PUM2: variants seen among roughly 807,000 people sequenced by gnomAD.
PUM2 encodes the protein pumilio RNA binding family member 2, also known as pumilio homolog 2.
In PUM2, 57 loss-of-function variants were observed where a neutral mutation model predicts 124.5. The observed-to-expected ratio is 0.46, with a 90% CI of 0.37 to 0.57. The LOEUF (loss-of-function observed/expected upper bound fraction) is 0.57, where lower values mean the gene tolerates loss of function less well. Ranked by LOEUF, PUM2 falls within the 20% of genes least tolerant of loss-of-function variation. PUM2 has a pLI of 0.00. For missense variants in PUM2, 1,065 were observed against 1,290.6 expected (o/e 0.83, Z 2.68); for synonymous variants, 460 against 446.1 (o/e 1.03, Z -0.39).
At chr2:20,341,160 C>G (rs1034019055) in intron 1 of PUM2, among the ~76,000 whole-genome samples, 1 of 152,102 alleles carries the variant, frequency 6.6e-6, no homozygotes, top group Admixed American at 6.6e-5. Flanking sequence ...CTCTTACCTG[C>G]GCTCTGCACA....
chr2:20,284,433 G>A (rs1395893537), intron 10 of PUM2, among the ~76,000 whole-genome samples: 2 of 152,110 alleles, frequency 1.3e-5, no homozygotes, highest in African/African-American at 4.8e-5. Flanking sequence ...ATAGCTCACT[G>A]CTGCCTCAAA....
intron 1 of PUM2, among the ~76,000 whole-genome samples, chr2:20,342,128 C>CAAA (rs776745768): frequency 2.5e-4 from 24 of 94,442 alleles, no homozygotes; most frequent in Non-Finnish European, 3.7e-4. Context: ...GACTCTGTCT[C>CAAA]AAAAAAAAAA....
chr2:20,333,068 CAAAAG>C (rs894632533), intron 1 of PUM2: 15 of 151,958 alleles, frequency 9.9e-5, no homozygotes, highest in African/African-American at 3.4e-4. Flanking sequence ...TGTTTCCTAG[CAAAAG>C]AAAAGAAATG....
At chr2:20,253,497 T>G (rs1235753705) in intron 20 of PUM2, among the ~76,000 whole-genome samples, 3 of 151,824 alleles carry the variant, frequency 2.0e-5, no homozygotes, top group Non-Finnish European at 2.9e-5. Flanking sequence ...CCATGATGCT[T>G]GTCTAATTGT....
intron 9 of PUM2, among the ~76,000 whole-genome samples, chr2:20,293,016 C>T (rs1181371491): frequency 2.0e-5 from 3 of 152,136 alleles, no homozygotes; most frequent in Non-Finnish European, 4.4e-5. Flanking sequence ...GAATTTGTTA[C>T]GAGACTGATG....
intron 3 of PUM2, among the ~76,000 whole-genome samples, chr2:20,317,883 G>A (rs1392444978): frequency 6.6e-6 from 1 of 151,970 alleles, no homozygotes; most frequent in East Asian, 1.9e-4. Context: ...TTTTTTTCAT[G>A]GCTGCATAGT....
Position 20,297,599 on chromosome 2 carries a change from G to A in PUM2, c.963C>T (p.Thr321=), listed in dbSNP as rs147188327. The change falls in exon 8 of 21, where the codon ACC becomes ACT. Residue 321 remains threonine (T), a synonymous_variant. Coordinates refer to ENST00000361078, the MANE Select transcript of PUM2 (RefSeq NM_015317.5). The part of the protein sequence containing the change: ...PYIISAAPPG[T]DPYTAAGLAA... ...CCAATCCTGCTGCAGTATACGGATC[G>A]GTCCCTGGAGGAGCAGCACTAATAA... The A allele has an allele frequency of 1.9e-5, 30 of 1,613,058 alleles. No homozygotes were observed. Among genetic ancestry groups the A allele is most frequent in the African/African-American group, 4.0e-5 (3 of 75,032 alleles).
rs373911090 is a variant in PUM2, at chr2:20,282,926, T to G, written c.1720+21A>C. 3 of 1,608,586 alleles carry G rather than the reference T, an allele frequency of 1.9e-6. No individual in the cohort carries two copies. In the African/African-American group the frequency reaches 4.0e-5, roughly 22 times the overall value. ...ACCTCTTCCACTTAGCAGAGTACAC[T>G]CATCGTAAAAACAAACTTACCTGAT... On this transcript the variant is annotated intron_variant, in intron 12 of 20. Coordinates refer to ENST00000361078, the MANE Select transcript of PUM2 (RefSeq NM_015317.5).
intron 7 of PUM2, among the ~76,000 whole-genome samples, chr2:20,301,857 G>A (rs1016936599): frequency 9.2e-5 from 14 of 152,140 alleles, no homozygotes; most frequent in African/African-American, 3.4e-4. Context: ...GGGATTACAG[G>A]CGTGAGCCAC....
chr2:20,317,062 T>G (rs1299463110), intron 3 of PUM2, among the ~76,000 whole-genome samples: 1 of 151,772 alleles, frequency 6.6e-6, no homozygotes, highest in Non-Finnish European at 1.5e-5. Context: ...CCAGATGTGA[T>G]GGTGTGAGCC....
At chr2:20,285,192 C>T (rs531233443) in intron 10 of PUM2, among the ~76,000 whole-genome samples, 1 of 152,352 alleles carries the variant, frequency 6.6e-6, no homozygotes, top group African/African-American at 2.4e-5. Context: ...GTCAACTCAA[C>T]TCTGAAGTCC....
chr2:20,316,011 A>T (rs1285998830), intron 3 of PUM2, among the ~76,000 whole-genome samples: 1 of 152,184 alleles, frequency 6.6e-6, no homozygotes, highest in East Asian at 1.9e-4. Flanking sequence ...GGGAAGATGT[A>T]TCCCAGTCCA....
chr2:20,323,632 ACTTCT>A (rs1305581651), intron 2 of PUM2, among the ~76,000 whole-genome samples: 1 of 152,064 alleles, frequency 6.6e-6, no homozygotes, highest in Non-Finnish European at 1.5e-5. Context: ...TAGCTGTTTG[ACTTCT>A]CTTGAGTCAG....
Position 20,253,806 on chromosome 2 carries a change from T to C in PUM2, c.3063+16A>G, listed in dbSNP as rs1372999805. Reference sequence around the variant, plus strand: ...ACAAAGACAAACAGTTATCTGAGTGTTACATGCTGTATTACCTTGTGCATG... The same window carrying C: ...ACAAAGACAAACAGTTATCTGAGTGCTACATGCTGTATTACCTTGTGCATG... On this transcript the variant is annotated intron_variant, in intron 20 of 20. Transcript: ENST00000361078. 1.3e-6 allele frequency: 2 copies of C among 1,591,868 alleles called. No individual in the cohort carries two copies. The highest frequency in any genetic ancestry group is 2.2e-5 in the East Asian group (1 of 44,598).
At chr2:20,341,788 T>C (rs1301190034) in intron 1 of PUM2, among the ~76,000 whole-genome samples, 1 of 152,220 alleles carries the variant, frequency 6.6e-6, no homozygotes, top group Non-Finnish European at 1.5e-5. Flanking sequence ...AATTGTTACA[T>C]GCTATCAATT....
intron 9 of PUM2, among the ~76,000 whole-genome samples, chr2:20,292,611 C>A (rs928253579): frequency 8.7e-6 from 1 of 114,840 alleles, no homozygotes; most frequent in African/African-American, 2.6e-5. Flanking sequence ...ATCCACTGCA[C>A]CCGGCCTAAA....
chr2:20,349,500 T>C (rs935014646), intron 1 of PUM2, among the ~76,000 whole-genome samples: 7 of 151,880 alleles, frequency 4.6e-5, no homozygotes, highest in African/African-American at 1.7e-4. Flanking sequence ...GAGAAACAAG[T>C]TGAAAATACT....
chr2:20,302,948 C>A (rs1239097803), intron 7 of PUM2, among the ~76,000 whole-genome samples: 1 of 152,192 alleles, frequency 6.6e-6, no homozygotes, highest in Admixed American at 6.5e-5. Context: ...CATACTAACT[C>A]TCCCGCAATT....
intron 1 of PUM2, among the ~76,000 whole-genome samples, chr2:20,331,032 T>C (rs1684793435): frequency 6.6e-6 from 1 of 152,188 alleles, no homozygotes; most frequent in Non-Finnish European, 1.5e-5. Flanking sequence ...ATAAACTGTA[T>C]TTATATCCTA....
Sources: allele counts gnomAD v4.1 joint callset (sites outside exome capture counted in the v4.1 genomes callset), GRCh38; gene constraint gnomAD v4.1.1; transcripts MANE v1.5; gene names NCBI Gene and HGNC (gene_info 2026-07-23, HGNC 2026-07-21).